ADGRL3: variants seen among roughly 807,000 people sequenced by gnomAD.
The protein encoded by ADGRL3 is adhesion G protein-coupled receptor L3.
In ADGRL3, 62 loss-of-function variants were observed where a neutral mutation model predicts 153.5. The ratio of observed to expected loss-of-function variants is 0.40; its 90% CI spans 0.33 to 0.50. ADGRL3 has a LOEUF of 0.50. ADGRL3 is among the 20% of genes least tolerant of loss of function. The probability of loss-of-function intolerance (pLI) is 0.47; values close to 1 mark genes in which losing one functional copy is unlikely to be tolerated. For synonymous variants in ADGRL3, 710 were observed against 672.5 expected (o/e 1.06, Z -0.86); for missense variants, 1,641 against 1,859.4 (o/e 0.88, Z 2.16).
chr4:61,934,936 T>A lies in ADGRL3; in HGVS notation c.2209T>A (p.Leu737Met). 1.2e-6 allele frequency: 2 copies of A among 1,613,874 alleles called. No homozygotes were observed. The highest frequency in any genetic ancestry group is 1.7e-6 in the Non-Finnish European group (2 of 1,179,820). ...TGATCAGCTGCGTGCGGCCACCATGTTGCTTCATACTGTGGAGGAAAGTGC... is the reference window on the plus strand; with the variant it reads ...TGATCAGCTGCGTGCGGCCACCATGATGCTTCATACTGTGGAGGAAAGTGC... ...TSDQLRAATM[L>M]LHTVEESAFV... The change falls in exon 14 of 27, where the codon TTG becomes ATG. Residue 737 changes from leucine (L) to methionine (M), a missense_variant. Physicochemically the swap from Leu to Met is conservative, Grantham distance 15 (BLOSUM62 2). This residue lies in a region of ADGRL3 where 734 missense variants were observed against 797.0 expected (regional missense o/e 0.92). Transcript: ENST00000683033.
intron 5 of ADGRL3, among the ~76,000 whole-genome samples, chr4:61,649,077 A>G (rs2094151202): frequency 1.3e-5 from 2 of 151,958 alleles, no homozygotes; most frequent in Non-Finnish European, 2.9e-5. Flanking sequence ...TATATTTACT[A>G]TATATAAGAA....
chr4:61,879,776 G>T (rs1259793536), intron 9 of ADGRL3, among the ~76,000 whole-genome samples: 2 of 152,114 alleles, frequency 1.3e-5, no homozygotes, highest in Admixed American at 6.5e-5. Flanking sequence ...CTGGAGTGCA[G>T]TGGCACAATC....
chr4:61,607,220 G>A (rs1268541342), intron 5 of ADGRL3, among the ~76,000 whole-genome samples: 1 of 152,088 alleles, frequency 6.6e-6, no homozygotes, highest in Non-Finnish European at 1.5e-5. Flanking sequence ...CTGGTTGGGT[G>A]TTCACAGAAC....
chr4:62,064,245 T>C (rs973137941), intron 25 of ADGRL3, among the ~76,000 whole-genome samples: 1 of 152,000 alleles, frequency 6.6e-6, no homozygotes, highest in Non-Finnish European at 1.5e-5. Context: ...TGCTTTTTCT[T>C]CTGTGGCTAT....
intron 1 of ADGRL3, among the ~76,000 whole-genome samples, chr4:61,380,974 G>A (rs993133784): frequency 6.6e-6 from 1 of 151,724 alleles, no homozygotes; most frequent in Middle Eastern, 3.4e-3. Context: ...TCACCCTCCT[G>A]CTCGCCTTTT....
intron 25 of ADGRL3, among the ~76,000 whole-genome samples, chr4:62,066,517 C>T (rs915048713): frequency 7.2e-5 from 11 of 151,902 alleles, no homozygotes; most frequent in African/African-American, 1.2e-4. Flanking sequence ...TTAAATTTCA[C>T]GCAGAGTACT....
chr4:61,465,081 A>G (rs1240133778), intron 2 of ADGRL3, among the ~76,000 whole-genome samples: 3 of 152,186 alleles, frequency 2.0e-5, no homozygotes, highest in Non-Finnish European at 4.4e-5. Context: ...GGGAAAATAA[A>G]TTTAAGTGAA....
At chr4:61,757,567 C>A (rs916864110) in intron 8 of ADGRL3, among the ~76,000 whole-genome samples, 1 of 152,188 alleles carries the variant, frequency 6.6e-6, no homozygotes, top group Admixed American at 6.5e-5. Flanking sequence ...TTTCAAAAAA[C>A]CAGCTCCTGG....
intron 23 of ADGRL3, 65 bp from the exon 24 acceptor site, chr4:62,037,666 T>G (rs1725835681): frequency 6.5e-7 from 1 of 1,546,224 alleles, no homozygotes; most frequent in African/African-American, 1.4e-5. Context: ...TCACATACAT[T>G]GTCTACTTTT....
chr4:61,894,428 GA>G (rs1422843306), intron 10 of ADGRL3, among the ~76,000 whole-genome samples: 3 of 152,112 alleles, frequency 2.0e-5, no homozygotes, highest in Admixed American at 6.6e-5. Context: ...TTAGGAAAAA[GA>G]GGGAGAATCC....
chr4:61,258,076 G>A (rs1038275074), intron 1 of ADGRL3, among the ~76,000 whole-genome samples: 10 of 152,102 alleles, frequency 6.6e-5, no homozygotes, highest in Non-Finnish European at 1.2e-4. Flanking sequence ...AAACCTTAGT[G>A]CAAGGACCTA....
In ADGRL3 at chr4:61,538,067, A is replaced by G. The variant is rs907287054; in HGVS notation, c.259+20549A>G. ...GTTTTTGTACCGCTGGAGTTTTTAC[A>G]TGGATTCCTTCTCATCTGTAGAAGC... is the stretch of plus-strand genomic sequence containing the variant. On this transcript the variant is annotated intron_variant, in intron 4 of 26. Transcript: ENST00000683033. 2.0e-5 allele frequency among the ~76,000 whole-genome samples: 3 copies of G among 152,120 alleles called. No individual in the cohort carries two copies. The East Asian group carries it at 5.8e-4, about 29-fold the overall frequency.
intron 5 of ADGRL3, among the ~76,000 whole-genome samples, chr4:61,655,839 A>G (rs1487624787): frequency 3.9e-5 from 6 of 152,224 alleles, no homozygotes; most frequent in African/African-American, 1.4e-4. Context: ...AATTTAATTC[A>G]AACGAAACAA....
chr4:61,701,964 A>G (rs970893867), intron 6 of ADGRL3, among the ~76,000 whole-genome samples: 5 of 152,180 alleles, frequency 3.3e-5, no homozygotes, highest in African/African-American at 1.2e-4. Flanking sequence ...AAGGAATAAA[A>G]AAATGAAGAA....
chr4:61,518,750 C>T (rs923265950), intron 4 of ADGRL3, among the ~76,000 whole-genome samples: 6 of 152,072 alleles, frequency 3.9e-5, no homozygotes, highest in South Asian at 2.1e-4. Flanking sequence ...AAGTGGTGGG[C>T]GAGGCCATGC....
intron 8 of ADGRL3, among the ~76,000 whole-genome samples, chr4:61,743,710 A>T (rs1465006391): frequency 6.6e-6 from 1 of 152,194 alleles, no homozygotes; most frequent in Non-Finnish European, 1.5e-5. Flanking sequence ...TGAAAGAATT[A>T]AGAAAAAGAC....
intron 6 of ADGRL3, among the ~76,000 whole-genome samples, chr4:61,724,629 A>T (rs1199939594): frequency 6.6e-6 from 1 of 152,166 alleles, no homozygotes; most frequent in Non-Finnish European, 1.5e-5. Context: ...GTATTATTTG[A>T]AAAACATAAT....
intron 1 of ADGRL3, among the ~76,000 whole-genome samples, chr4:61,290,519 CT>C (rs941847688): frequency 2.1e-4 from 32 of 152,030 alleles, no homozygotes; most frequent in South Asian, 4.1e-4. Flanking sequence ...TGGCTTATGC[CT>C]GTAATCTCAG....
At chr4:61,434,013 A>G (rs1249041158) in intron 2 of ADGRL3, among the ~76,000 whole-genome samples, 1 of 152,090 alleles carries the variant, frequency 6.6e-6, no homozygotes, top group Non-Finnish European at 1.5e-5. Context: ...TTCAGTTTTG[A>G]TTATATCTCT....
Sources: gnomAD v4.1 joint callset for allele counts (sites outside exome capture counted in the v4.1 genomes callset) on GRCh38, gnomAD v4.1.1 for gene constraint, gnomAD v4.1.1 regional missense constraint, MANE v1.5 for transcripts, NCBI Gene and HGNC (gene_info 2026-07-23, HGNC 2026-07-21) for gene names.